The following LCT variants were observed in gnomAD, a reference collection of about 807,000 sequenced individuals.
The protein encoded by LCT is lactase/phlorizin hydrolase.
In LCT, 90 loss-of-function variants were observed where a neutral mutation model predicts 173.0. The ratio of observed to expected loss-of-function variants is 0.52; its 90% CI spans 0.44 to 0.62. The LOEUF is 0.62. Ranked by LOEUF, LCT falls within the 20% of genes least tolerant of loss-of-function variation. The pLI is 0.00. For missense variants in LCT, 1,864 were observed against 2,431.4 expected (o/e 0.77, Z 4.91); for synonymous variants, 853 against 957.6 (o/e 0.89, Z 2.02).
chr2:135,788,536 G>A lies in LCT; in HGVS notation c.5572C>T (p.Pro1858Ser), dbSNP rs774765697. Residue 1858 changes from proline to serine, a missense_variant, in exon 17 of 17, where the codon CCC becomes TCC. Transcript: ENST00000264162. ...HACLHQPDAGPTISPVRQEEV... is the reference protein window; with the variant it reads ...HACLHQPDAGSTISPVRQEEV... Reference sequence around the variant, plus strand: ...TCCTGTCTCACGGGGCTGATGGTGGGTCCAGCATCTAGGAGAGTGTGACAC... The same window carrying A: ...TCCTGTCTCACGGGGCTGATGGTGGATCCAGCATCTAGGAGAGTGTGACAC... 9.3e-6 allele frequency: 15 copies of A among 1,606,218 alleles called. No homozygotes were observed. The highest frequency in any genetic ancestry group is 1.3e-5 in the Non-Finnish European group (15 of 1,174,320).
Position 135,817,845 on chromosome 2 carries a change from C to G in LCT, c.1203G>C (p.Trp401Cys), listed in dbSNP as rs1335321424. The G allele has an allele frequency of 2.5e-6, 4 of 1,614,104 alleles. No homozygotes were observed. The highest frequency in any genetic ancestry group is 3.4e-6 in the Non-Finnish European group (4 of 1,180,048). The change falls in exon 6 of 17, where the codon TGG becomes TGC. Residue 401 changes from tryptophan (W) to cysteine (C), a missense_variant. Transcript: ENST00000264162. ...TGCTCACCCCTCTCCCACCCTCGGC[C>G]CAGCCTCCTTCCACGTTAAAGGCTC... ...STGAFNVEGG[W>C]AEGGRGVSIW...
chr2:135,815,561 C>A (rs114826933), intron 6 of LCT, among the ~76,000 whole-genome samples: 13 of 152,194 alleles, frequency 8.5e-5, no homozygotes, highest in African/African-American at 3.1e-4. Context: ...TAGTAATGGT[C>A]TTTTTGAAGA....
chr2:135,794,851 G>A, intron 13 of LCT, 76 bp from the exon 14 acceptor site: 1 of 1,566,698 alleles, frequency 6.4e-7, no homozygotes, highest in Non-Finnish European at 8.8e-7. Flanking sequence ...TAGGGCTGGG[G>A]CGGGGGAGCT....
At chr2:135,797,820 A>G (rs2077594616) in intron 13 of LCT, among the ~76,000 whole-genome samples, 1 of 152,156 alleles carries the variant, frequency 6.6e-6, no homozygotes, top group Non-Finnish European at 1.5e-5. Context: ...CTTGGAACAG[A>G]TTTCCTGGCT....
Position 135,790,790 on chromosome 2 carries a change from A to G in LCT, c.5203T>C (p.Trp1735Arg). The stretch of plus-strand genomic sequence containing the variant: ...GGGTCATTGTATTCCTCCTTTAACC[A>G]GTTCAGGATCCTCCTGAAGCCAAAA... ...TPFGFRRILNWLKEEYNDPPI... is the reference protein window; with the variant it reads ...TPFGFRRILNRLKEEYNDPPI... Residue 1735 changes from tryptophan to arginine, a missense_variant, in exon 15 of 17, where the codon TGG becomes CGG. This residue lies in a region of LCT where 514 missense variants were observed against 750.1 expected (regional missense o/e 0.69). Coordinates refer to ENST00000264162, the MANE Select transcript of LCT (RefSeq NM_002299.4). The surrounding 1 kb of genome is among the most constrained non-coding windows in gnomAD (Gnocchi z 4.1). 6.2e-7 allele frequency: 1 copy of G among 1,613,884 alleles called. No individual in the cohort carries two copies. Among genetic ancestry groups the G allele is most frequent in the Non-Finnish European group, 8.5e-7 (1 of 1,179,828 alleles).
At chr2:135,788,586 A>G (rs2077510527) in intron 16 of LCT, 42 bp from the exon 17 acceptor site, 1 of 1,270,000 alleles carries the variant, frequency 7.9e-7, no homozygotes, top group East Asian at 2.3e-5. Context: ...TCTGGCGCTG[A>G]TTTGAGTTCT....
intron 12 of LCT, among the ~76,000 whole-genome samples, chr2:135,799,949 C>T (rs1419972036): frequency 6.6e-6 from 1 of 152,184 alleles, no homozygotes; most frequent in Non-Finnish European, 1.5e-5. Flanking sequence ...TGCAGCCCAG[C>T]TCTGTTAGCT....
chr2:135,788,294 C>T lies in LCT; in HGVS notation c.*30G>A, dbSNP rs1172697647. On this transcript the variant is annotated 3_prime_UTR_variant, in exon 17 of 17. Coordinates refer to ENST00000264162, the MANE Select transcript of LCT (RefSeq NM_002299.4). ...GTAAACATAGATGAAGAAACTAGGC[C>T]TGCTTCATAGAACTTGAGGTGGTAA... 9 of 1,516,004 alleles carry T rather than the reference C, an allele frequency of 5.9e-6. No homozygotes were observed. Among genetic ancestry groups the T allele is most frequent in the Non-Finnish European group, 8.2e-6 (9 of 1,094,622 alleles). The allele number at this position is 1,516,004 out of a possible 1,614,324, so 93.9% of individuals were successfully genotyped here.
rs373224567 is a variant in LCT at position 135,826,402 on chromosome 2, C to CAAA, written c.805-2402_805-2400dup. ...TGAAACACTGTATCTGCTACAAATA[C>CAAA]AAAAAAAAAAAAAAAAAGCTAGGCA... On this transcript the variant is annotated intron_variant, in intron 3 of 16. Coordinates refer to ENST00000264162, the MANE Select transcript of LCT (RefSeq NM_002299.4). 1.6e-4 allele frequency among the ~76,000 whole-genome samples: 17 copies of CAAA among 103,706 alleles called. 1 individual carries two copies. The highest frequency in any genetic ancestry group is 5.6e-4 in the Admixed American group (6 of 10,802). The allele number at this position is 103,706 out of a possible 152,430, so 68.0% of individuals were successfully genotyped here. A position where few individuals can be genotyped will look rare whatever the true frequency, so the allele number is the denominator to read the frequency against.
intron 9 of LCT, among the ~76,000 whole-genome samples, chr2:135,806,740 T>TA (rs2071734387): frequency 6.6e-6 from 1 of 152,262 alleles, no homozygotes; most frequent in Non-Finnish European, 1.5e-5. Context: ...CTACACTATC[T>TA]AGGTGTGTGT....
chr2:135,829,564 T>C (rs1435660132), intron 3 of LCT, 29 bp downstream of exon 3: 1 of 1,531,628 alleles, frequency 6.5e-7, no homozygotes, highest in East Asian at 2.2e-5. Context: ...GCTGCATTCA[T>C]CATTAATGTG....
chr2:135,828,840 G>A (rs72972158), intron 3 of LCT, among the ~76,000 whole-genome samples: 9,633 of 152,188 alleles, frequency 0.063, 564 homozygotes, highest in East Asian at 0.25. Flanking sequence ...ATCTGATTTA[G>A]TAGACCTGGG....
At position 135,788,246 on chromosome 2, in the gene LCT, G is replaced by GTA. The variant is rs2077507265; in HGVS notation, c.*77_*78insTA. Reference sequence around the variant, plus strand: ...GAAGTCCAGTATCAGCAGAGTCTAAGACCCTAAGGTGTTTGGTGGCCGGTA... The same window carrying GTA: ...GAAGTCCAGTATCAGCAGAGTCTAAGTAACCCTAAGGTGTTTGGTGGCCGGTA... On this transcript the variant is annotated 3_prime_UTR_variant, in exon 17 of 17. Coordinates refer to ENST00000264162, the MANE Select transcript of LCT (RefSeq NM_002299.4). 2 of 1,015,790 alleles carry GTA rather than the reference G, an allele frequency of 2.0e-6. No homozygotes were observed. The highest frequency in any genetic ancestry group is 3.1e-6 in the Non-Finnish European group (2 of 646,360). The allele number at this position is 1,015,790 out of a possible 1,614,324, so 62.9% of individuals were successfully genotyped here. A position where few individuals can be genotyped will look rare whatever the true frequency, so the allele number is the denominator to read the frequency against.
In LCT at chr2:135,817,894, C is replaced by A. The variant is rs1056590252; in HGVS notation, c.1154G>T (p.Gly385Val). The change falls in exon 6 of 17, where the codon GGC becomes GTC. Residue 385 changes from glycine to valine, a missense_variant. By Grantham distance (109) the Gly-to-Val change is moderately radical. Transcript: ENST00000264162. Reference sequence around the variant, plus strand: ...TCCTGTGGAGGCACCCCAGAGGAAGCCTTCAGGGAAAGTATCCTGCAGGAA... The same window carrying A: ...TCCTGTGGAGGCACCCCAGAGGAAGACTTCAGGGAAAGTATCCTGCAGGAA... ...DAFLQDTFPE[G>V]FLWGASTGAF... 4 of 1,613,930 alleles carry A rather than the reference C, an allele frequency of 2.5e-6. No homozygotes were observed. The highest frequency in any genetic ancestry group is 1.7e-5 in the Admixed American group (1 of 60,012).
intron 6 of LCT, among the ~76,000 whole-genome samples, chr2:135,813,803 A>C (rs1200139562): frequency 1.3e-5 from 2 of 152,200 alleles, no homozygotes; most frequent in Non-Finnish European, 2.9e-5. Flanking sequence ...TTTCTTGCTT[A>C]TTTGTTCTTC....
chr2:135,832,467 T>TA (rs2077948381), intron 2 of LCT, among the ~76,000 whole-genome samples: 1 of 151,314 alleles, frequency 6.6e-6, no homozygotes, highest in Admixed American at 6.6e-5. Flanking sequence ...TAAAAAGTGA[T>TA]AGAGGATATA....
intron 3 of LCT, among the ~76,000 whole-genome samples, chr2:135,825,219 A>G (rs1458648748): frequency 1.3e-5 from 2 of 152,184 alleles, no homozygotes; most frequent in East Asian, 1.9e-4. Flanking sequence ...AAAAGCTACC[A>G]AAAGATACCA....
chr2:135,817,257 A>G, intron 6 of LCT, 84 bp downstream of exon 6: 1 of 1,473,566 alleles, frequency 6.8e-7, no homozygotes, highest in Non-Finnish European at 9.2e-7. Flanking sequence ...AGGCTTGCTG[A>G]TGGAAGAAAA....
At chr2:135,799,929 C>T (rs574829553) in intron 12 of LCT, among the ~76,000 whole-genome samples, 43 of 152,270 alleles carry the variant, frequency 2.8e-4, no homozygotes, top group African/African-American at 1.0e-3. Context: ...CTAAAGGTGA[C>T]GTGTGACACT....
Sources: allele counts gnomAD v4.1 joint callset (sites outside exome capture counted in the v4.1 genomes callset), GRCh38; gene constraint gnomAD v4.1.1; regional missense constraint gnomAD v4.1.1; non-coding constraint Gnocchi (gnomAD v3.1); transcripts MANE v1.5; gene names NCBI Gene and HGNC (gene_info 2026-07-23, HGNC 2026-07-21).